Variants in NUDT13 observed in about 807,000 individuals in gnomAD.
The protein encoded by NUDT13 is NAD(P)H pyrophosphatase NUDT13, mitochondrial.
NUDT13 carries 40 observed loss-of-function variants against 41.7 expected under a neutral mutation model. The ratio of observed to expected loss-of-function variants is 0.96; its 90% CI spans 0.75 to 1.25. The LOEUF is 1.25. Ranked by LOEUF, NUDT13 falls within the 50% of genes most tolerant of loss-of-function variation. NUDT13 has a pLI of 0.00. For missense variants in NUDT13, 390 were observed against 416.1 expected (o/e 0.94, Z 0.55); for synonymous variants, 145 against 155.5 (o/e 0.93, Z 0.50).
chr10:73,128,482 A>G (rs1381665426), intron 8 of NUDT13, among the ~76,000 whole-genome samples: 1 of 152,196 alleles, frequency 6.6e-6, no homozygotes, highest in East Asian at 1.9e-4. Flanking sequence ...CATTTCCCTG[A>G]TGATTAGTGA....
intron 2 of NUDT13, among the ~76,000 whole-genome samples, chr10:73,117,573 A>G (rs1842546654): frequency 6.6e-6 from 1 of 151,854 alleles, no homozygotes; most frequent in African/African-American, 2.4e-5. Flanking sequence ...AAAAAAAAAA[A>G]AGAATAAAAG....
chr10:73,115,969 G>A (rs1842496764), intron 2 of NUDT13, among the ~76,000 whole-genome samples: 1 of 151,926 alleles, frequency 6.6e-6, no homozygotes, highest in African/African-American at 2.4e-5. Context: ...CATCTATGTG[G>A]TGTGGTTCTA....
intron 5 of NUDT13, chr10:73,124,600 C>T (rs139453018): frequency 1.7e-4 from 63 of 379,312 alleles, no homozygotes; most frequent in African/African-American, 1.2e-3. Context: ...TTTAATGACC[C>T]ACATAGCATG....
rs56229464 is a variant in NUDT13 at position 73,116,876 on chromosome 10, A to ATTTTTTTT, written c.83+2449_83+2456dup. 2.6e-4 allele frequency among the ~76,000 whole-genome samples: 21 copies of ATTTTTTTT among 81,870 alleles called. 3 individuals carry two copies. The highest frequency in any genetic ancestry group is 6.8e-4 in the African/African-American group (14 of 20,460). The allele number at this position is 81,870 out of a possible 152,430, so 53.7% of individuals were successfully genotyped here. A position where few individuals can be genotyped will look rare whatever the true frequency, so the allele number is the denominator to read the frequency against. On this transcript the variant is annotated intron_variant, in intron 2 of 8. Coordinates refer to ENST00000357321, the MANE Select transcript of NUDT13 (RefSeq NM_015901.6). ...TGTACTCCTTTAACAGACTACAAGA[A>ATTTTTTTT]TTTTTTTTTTTTTTTTTTTTTTTTT... is the stretch of plus-strand genomic sequence containing the variant.
At chr10:73,126,969 C>A in intron 8 of NUDT13, 142 bp downstream of exon 8, 1 of 742,420 alleles carries the variant, frequency 1.3e-6, no homozygotes, top group Non-Finnish European at 2.2e-6. Flanking sequence ...TAGGGCTGAG[C>A]ACGGTGGCTC....
rs949261506 is a variant in NUDT13 at position 73,110,553 on chromosome 10, C to G, written c.-24C>G. 1 of 152,200 alleles carries G rather than the reference C, an allele frequency of 6.6e-6. No individual in the cohort carries two copies. Among genetic ancestry groups the G allele is most frequent in the East Asian group, 1.9e-4 (1 of 5,184 alleles). The allele number at this position is 152,200 out of a possible 1,614,324, so 9.4% of individuals were successfully genotyped here. On this transcript the variant is annotated 5_prime_UTR_variant, in exon 1 of 9. Transcript: ENST00000357321. ...ATTCCTGAGGACTAGGAAGGTGCCC[C>G]GAAAAGAATTCAGAGTGAGTACAGT...
rs376657498 is a variant in NUDT13, at chr10:73,120,143, G to A, written c.209G>A (p.Arg70Gln). Reference protein sequence around the residue: ...QTSAHQYLAPRHSLLELERLL... With the variant: ...QTSAHQYLAPQHSLLELERLL... ...TCAGCACATCAATACCTGGCCCCCC[G>A]GCACAGCCTGTTAGGTAAGTCCAGA... The change falls in exon 3 of 9, where the codon CGG (arginine) becomes CAG (glutamine). Residue 70 changes from arginine to glutamine, a missense_variant. Coordinates refer to ENST00000357321, the MANE Select transcript of NUDT13 (RefSeq NM_015901.6). 33 of 1,613,988 alleles carry A rather than the reference G, an allele frequency of 2.0e-5. 1 individual carries two copies. The highest frequency in any genetic ancestry group is 1.6e-4 in the Middle Eastern group (1 of 6,080).
Position 73,125,154 on chromosome 10 carries a change from T to C in NUDT13, c.502T>C (p.Phe168Leu), listed in dbSNP as rs768344112. ...TCTCCGCTGGCATGATGCTCATCAG[T>C]TCTGCAGCAGAAGTGGGCAGCCCAC... ...ALLRWHDAHQ[F>L]CSRSGQPTKK... The change falls in exon 6 of 9, where the codon TTC becomes CTC. Residue 168 changes from phenylalanine (F) to leucine (L), a missense_variant. Coordinates refer to ENST00000357321, the MANE Select transcript of NUDT13 (RefSeq NM_015901.6). 27 of 1,613,214 alleles carry C rather than the reference T, an allele frequency of 1.7e-5. No homozygotes were observed. The highest frequency in any genetic ancestry group is 2.1e-5 in the Non-Finnish European group (25 of 1,179,814).
At chr10:73,115,661 T>C (rs1296253890) in intron 2 of NUDT13, among the ~76,000 whole-genome samples, 1 of 152,132 alleles carries the variant, frequency 6.6e-6, no homozygotes, top group African/African-American at 2.4e-5. Flanking sequence ...ATTAAGTAAA[T>C]TAAGGTACTA....
chr10:73,128,318 G>A (rs1489218656), intron 8 of NUDT13, among the ~76,000 whole-genome samples: 2 of 152,020 alleles, frequency 1.3e-5, no homozygotes, highest in East Asian at 3.9e-4. Flanking sequence ...CATAGTAGGT[G>A]CACCAACTTA....
chr10:73,114,423 C>A lies in NUDT13; in HGVS notation c.58C>A (p.Leu20Met). 6.3e-7 allele frequency: 1 copy of A among 1,588,988 alleles called. No individual in the cohort carries two copies. The highest frequency in any genetic ancestry group is 8.6e-7 in the Non-Finnish European group (1 of 1,164,720). Residue 20 changes from leucine to methionine, a missense_variant, in exon 2 of 9, where the codon CTG becomes ATG. Coordinates refer to ENST00000357321, the MANE Select transcript of NUDT13 (RefSeq NM_015901.6). ...RRKFFWCYRLLSTYVTKTRYL... is the reference protein window; with the variant it reads ...RRKFFWCYRLMSTYVTKTRYL... The stretch of plus-strand genomic sequence containing the variant: ...AAAATTTTTTTGGTGCTATAGGCTG[C>A]TGTCAACCTATGTTACTAAGACACG...
chr10:73,128,726 G>A (rs916848896), intron 8 of NUDT13, among the ~76,000 whole-genome samples: 2 of 152,180 alleles, frequency 1.3e-5, no homozygotes, highest in African/African-American at 4.8e-5. Context: ...TGACTCTGCA[G>A]AAGCTTTAGT....
chr10:73,126,599 C>T (rs1842787131), intron 7 of NUDT13, 74 bp from the exon 8 acceptor site: 1 of 1,533,094 alleles, frequency 6.5e-7, no homozygotes, highest in Non-Finnish European at 8.8e-7. Context: ...GTGTTGTGCA[C>T]CTTTCTCAAA....
At chr10:73,123,297 T>C (rs138551516) in intron 4 of NUDT13, among the ~76,000 whole-genome samples, 134 of 152,336 alleles carry the variant, frequency 8.8e-4, no homozygotes, top group African/African-American at 3.2e-3. Flanking sequence ...AATGTTTCCA[T>C]ATAGCTCTGG....
rs149385759 is a variant in NUDT13 at position 73,124,185 on chromosome 10, T to G, written c.359-29T>G. 9.3e-5 allele frequency: 139 copies of G among 1,493,570 alleles called. 2 individuals are homozygous for G. The African/African-American group carries it at 1.3e-3, about 14-fold the overall frequency. 92.5% of individuals were successfully genotyped at this position (1,493,570 alleles called of 1,614,324 possible). A position where few individuals can be genotyped will look rare whatever the true frequency, so the allele number is the denominator to read the frequency against. On this transcript the variant is annotated intron_variant, in intron 4 of 8. Transcript: ENST00000357321. ...CCCTGAGGCAAAGTTTGTCATTGTT[T>G]AATTTCATTATCTTTTCTAATTTTC...
chr10:73,119,916 A>C, intron 2 of NUDT13, 102 bp from the exon 3 acceptor site: 1 of 1,203,842 alleles, frequency 8.3e-7, no homozygotes. Flanking sequence ...AAGGGAAATA[A>C]CCATGGTAAG....
chr10:73,125,666 TATATATATATAA>T (rs199936198), intron 7 of NUDT13, 157 bp downstream of exon 7: 1 of 150,958 alleles, frequency 6.6e-6, no homozygotes. Context: ...TATATATATA[TATATATATATAA>T]AATTTTTTCC....
chr10:73,111,123 C>T (rs982868362), intron 1 of NUDT13, among the ~76,000 whole-genome samples: 20 of 151,990 alleles, frequency 1.3e-4, no homozygotes, highest in Non-Finnish European at 1.6e-4. Flanking sequence ...ACTACAGGCG[C>T]CCGCCACCAC....
Position 73,122,290 on chromosome 10 carries a change from T to C in NUDT13, c.339T>C (p.Asp113=), listed in dbSNP as rs772843365. The change falls in exon 4 of 9, where the codon GAT becomes GAC. Residue 113 remains aspartate, a synonymous_variant. Transcript: ENST00000357321. The stretch of plus-strand genomic sequence containing the variant: ...GGTTTGCTCTGGATCTAGGTCTGGA[T>C]AGCTCCTTTTCCATAAGTGGTACAT... ...EAWFALDLGL[D]SSFSISASLH... is the part of the protein sequence containing the mutation. The C allele has an allele frequency of 1.2e-6, 2 of 1,613,914 alleles. No homozygotes were observed. The highest frequency in any genetic ancestry group is 1.7e-5 in the Admixed American group (1 of 59,956).
Sources: allele counts gnomAD v4.1 joint callset (sites outside exome capture counted in the v4.1 genomes callset), GRCh38; gene constraint gnomAD v4.1.1; transcripts MANE v1.5; gene names NCBI Gene and HGNC (gene_info 2026-07-23, HGNC 2026-07-21).